The following UBE3C variants were observed in gnomAD, a reference collection of about 807,000 sequenced individuals.
The protein encoded by UBE3C is ubiquitin protein ligase E3C.
In UBE3C, 42 loss-of-function variants were observed where a neutral mutation model predicts 129.4. That is an observed-to-expected ratio of 0.32 (90% CI 0.25 to 0.42). The LOEUF (loss-of-function observed/expected upper bound fraction) is 0.42, where lower values mean the gene tolerates loss of function less well. Among genes scored for constraint, UBE3C ranks in the 10% least tolerant of loss-of-function variants. The pLI, the probability that UBE3C is intolerant of heterozygous loss-of-function variation, is 1.00. For synonymous variants in UBE3C, 510 were observed against 492.4 expected, an observed-to-expected ratio of 1.04 and a Z score of -0.47; for missense variants, 1,049 against 1,319.1, an observed-to-expected ratio of 0.80 and a Z score of 3.17.
intron 18 of UBE3C, chr7:157,231,622 G>A (rs1278151961): frequency 2.8e-6 from 1 of 355,310 alleles, no homozygotes; most frequent in Non-Finnish European, 5.3e-6. Context: ...ATGGATGAGT[G>A]GTTTATTGTG....
At chr7:157,254,692 C>T (rs984095473) in intron 21 of UBE3C, among the ~76,000 whole-genome samples, 10 of 152,094 alleles carry the variant, frequency 6.6e-5, no homozygotes, top group South Asian at 2.1e-4. Flanking sequence ...AGCCACCATG[C>T]CTGGCCTCAA....
chr7:157,237,258 G>C (rs750683045), intron 18 of UBE3C, among the ~76,000 whole-genome samples: 40 of 151,838 alleles, frequency 2.6e-4, no homozygotes, highest in African/African-American at 9.7e-4. Flanking sequence ...TGGCTAACAC[G>C]GTGAAACCCC....
At chr7:157,237,416 G>T (rs1400901080) in intron 18 of UBE3C, among the ~76,000 whole-genome samples, 1 of 152,136 alleles carries the variant, frequency 6.6e-6, no homozygotes. Context: ...ACTCCAGCCT[G>T]GGCGACAGAG....
intron 22 of UBE3C, among the ~76,000 whole-genome samples, chr7:157,257,993 G>T (rs1241366561): frequency 1.3e-5 from 2 of 149,156 alleles, no homozygotes; most frequent in African/African-American, 4.9e-5. Flanking sequence ...TATCACCCAG[G>T]CTGGAGTGCA....
At chr7:157,174,049 T>C (rs1312356698) in intron 4 of UBE3C, among the ~76,000 whole-genome samples, 1 of 152,196 alleles carries the variant, frequency 6.6e-6, no homozygotes, top group African/African-American at 2.4e-5. Context: ...ATGTGGCGTA[T>C]TTATGACTAG....
At chr7:157,150,614 A>G (rs1807731021) in intron 1 of UBE3C, among the ~76,000 whole-genome samples, 1 of 152,242 alleles carries the variant, frequency 6.6e-6, no homozygotes, top group South Asian at 2.1e-4. Context: ...AATACTGTGC[A>G]GCCATTTAAA....
At chr7:157,148,210 C>T (rs1327718862) in intron 1 of UBE3C, among the ~76,000 whole-genome samples, 1 of 152,138 alleles carries the variant, frequency 6.6e-6, no homozygotes, top group African/African-American at 2.4e-5. Flanking sequence ...AAGTGATTCT[C>T]CTGTCTCAGC....
At chr7:157,194,096 G>C (rs1457172059) in intron 10 of UBE3C, among the ~76,000 whole-genome samples, 3 of 152,160 alleles carry the variant, frequency 2.0e-5, no homozygotes, top group Non-Finnish European at 4.4e-5. Context: ...ACAATGTTCA[G>C]TTCTTTTAAG....
chr7:157,201,538 G>A (rs887897371), intron 10 of UBE3C, among the ~76,000 whole-genome samples, 183 bp from the exon 11 acceptor site: 2 of 150,966 alleles, frequency 1.3e-5, no homozygotes, highest in African/African-American at 2.4e-5. Context: ...TTTGGGAGCC[G>A]TGTCTCGGTG....
intron 10 of UBE3C, among the ~76,000 whole-genome samples, chr7:157,190,365 G>A (rs1269601267): frequency 6.6e-6 from 1 of 152,016 alleles, no homozygotes; most frequent in Non-Finnish European, 1.5e-5. Flanking sequence ...TCATCTACTT[G>A]GTTGTCTGTA....
intron 1 of UBE3C, among the ~76,000 whole-genome samples, chr7:157,158,007 T>C (rs1416564336): frequency 6.9e-6 from 1 of 144,240 alleles, no homozygotes; most frequent in African/African-American, 2.5e-5. Flanking sequence ...GAGAGAGAGA[T>C]ACATATAAAC....
intron 5 of UBE3C, 106 bp from the exon 6 acceptor site, chr7:157,178,584 C>A: frequency 8.7e-7 from 1 of 1,151,062 alleles, no homozygotes; most frequent in Non-Finnish European, 1.2e-6. Context: ...CAGAGATAAT[C>A]TTGTACTGGA....
At position 157,202,148 on chromosome 7, in the gene UBE3C, T is replaced by G. The variant is rs59596464; in HGVS notation, c.1418+341T>G. The stretch of plus-strand genomic sequence containing the variant: ...GTGAAAATACAGATTTGAAGTAAAT[T>G]AAAGACTGCTGCAAACATTAGAACA... On this transcript the variant is annotated intron_variant, in intron 11 of 22. Coordinates refer to ENST00000348165, the MANE Select transcript of UBE3C (RefSeq NM_014671.3). Among the ~76,000 whole-genome samples the G allele has an allele frequency of 3.6e-3, 543 of 152,280 alleles. 11 individuals are homozygous for G. Among genetic ancestry groups the G allele is most frequent in the East Asian group, 5.4e-3 (28 of 5,184 alleles).
intron 10 of UBE3C, among the ~76,000 whole-genome samples, chr7:157,196,862 G>A (rs548196536): frequency 6.6e-6 from 1 of 152,102 alleles, no homozygotes; most frequent in Non-Finnish European, 1.5e-5. Flanking sequence ...CCAGCTACTC[G>A]GGAGGCTGAG....
chr7:157,248,339 G>A, intron 18 of UBE3C, 29 bp from the exon 19 acceptor site: 2 of 1,596,214 alleles, frequency 1.3e-6, no homozygotes, highest in Non-Finnish European at 1.7e-6. Flanking sequence ...TATATTCGAT[G>A]CTAACGTTGT....
chr7:157,139,359 G>T, intron 1 of UBE3C, 21 bp downstream of exon 1: 1 of 1,559,082 alleles, frequency 6.4e-7, no homozygotes, highest in Non-Finnish European at 8.6e-7. Flanking sequence ...GGCTGGCGGG[G>T]CGCCCTCGGC....
At chr7:157,222,132 A>G (rs1795753807) in intron 15 of UBE3C, 1 of 152,178 alleles carries the variant, frequency 6.6e-6, no homozygotes, top group African/African-American at 2.4e-5. Flanking sequence ...TGGCCTCCCA[A>G]AGTACTACGA....
chr7:157,205,611 C>T (rs2117001302), intron 11 of UBE3C, among the ~76,000 whole-genome samples: 1 of 152,280 alleles, frequency 6.6e-6, no homozygotes, highest in Admixed American at 6.5e-5. Context: ...GTCATCCTGG[C>T]TTTGGCAATG....
Position 157,242,526 on chromosome 7 carries a change from T to TG in UBE3C, c.2482-5842_2482-5841insG, listed in dbSNP as rs1554436985. Among the ~76,000 whole-genome samples, 104 of 146,680 alleles carry TG rather than the reference T, an allele frequency of 7.1e-4. 1 individual carries two copies. Among genetic ancestry groups the TG allele is most frequent in the African/African-American group, 2.2e-3 (89 of 39,878 alleles). Reference sequence around the variant, plus strand: ...CTGAGCCTGAGTTGTTTTTTTTTTTTTTTTTTTTTTTAAATTCCTACTGTC... The same window carrying TG: ...CTGAGCCTGAGTTGTTTTTTTTTTTTGTTTTTTTTTTTAAATTCCTACTGTC... On this transcript the variant is annotated intron_variant, in intron 18 of 22. Transcript: ENST00000348165.
Sources: allele counts gnomAD v4.1 joint callset (sites outside exome capture counted in the v4.1 genomes callset), GRCh38; gene constraint gnomAD v4.1.1; transcripts MANE v1.5; gene names NCBI Gene and HGNC (gene_info 2026-07-23, HGNC 2026-07-21).